NEDD9: variants seen among roughly 807,000 people sequenced by gnomAD.
The protein encoded by NEDD9 is neural precursor cell expressed, developmentally down-regulated 9.
In NEDD9, 26 loss-of-function variants were observed where a neutral mutation model predicts 76.6. The ratio of observed to expected loss-of-function variants is 0.34; its 90% CI spans 0.25 to 0.47. NEDD9 has a LOEUF of 0.47. Ranked by LOEUF, NEDD9 falls within the 20% of genes least tolerant of loss-of-function variation. NEDD9 has a pLI of 1.00. For missense variants in NEDD9, 937 were observed against 1,058.5 expected (o/e 0.89, Z 1.59); for synonymous variants, 392 against 414.2 (o/e 0.95, Z 0.65).
intron 1 of NEDD9, among the ~76,000 whole-genome samples, chr6:11,356,049 C>T (rs1762570187): frequency 1.3e-5 from 2 of 152,164 alleles, no homozygotes; most frequent in Admixed American, 1.3e-4. Flanking sequence ...CTAAGAGCTG[C>T]AACAGCCACT....
chr6:11,336,701 C>A (rs1483748688), intron 1 of NEDD9, among the ~76,000 whole-genome samples: 1 of 152,140 alleles, frequency 6.6e-6, no homozygotes, highest in Non-Finnish European at 1.5e-5. Flanking sequence ...TTTCTTACTC[C>A]AATAATAAAT....
chr6:11,334,912 A>T (rs1259477066), intron 1 of NEDD9, among the ~76,000 whole-genome samples: 2 of 152,230 alleles, frequency 1.3e-5, no homozygotes, highest in African/African-American at 4.8e-5. Flanking sequence ...TTTTGCAAAG[A>T]GGACGAGAGC....
upstream of NEDD9, chr6:11,232,810 G>T: frequency 1.1e-6 from 1 of 912,744 alleles, no homozygotes; most frequent in Non-Finnish European, 1.5e-6. Context: ...TAATGTGATC[G>T]CTTCTTTTTG....
chr6:11,360,060 C>T (rs1283118755), intron 1 of NEDD9, among the ~76,000 whole-genome samples: 4 of 152,218 alleles, frequency 2.6e-5, no homozygotes, highest in South Asian at 4.1e-4. Context: ...ATTCTGCAGG[C>T]TTCCATCACT....
chr6:11,214,358 T>G (rs1758882803), intron 1 of NEDD9, among the ~76,000 whole-genome samples: 1 of 152,246 alleles, frequency 6.6e-6, no homozygotes, highest in Admixed American at 6.5e-5. Flanking sequence ...CCAGCAGCCA[T>G]ATACATCTCC....
chr6:11,323,077 G>C (rs1761846319), intron 2 of NEDD9, among the ~76,000 whole-genome samples: 4 of 152,326 alleles, frequency 2.6e-5, no homozygotes, highest in Middle Eastern at 3.4e-3. Context: ...CAAAACATAT[G>C]ACAAGGCTGG....
At chr6:11,275,024 A>T (rs1241323650) in intron 3 of NEDD9, among the ~76,000 whole-genome samples, 2 of 152,256 alleles carry the variant, frequency 1.3e-5, no homozygotes, top group Admixed American at 6.5e-5. Context: ...GTAGATGAAT[A>T]AAGAAAACGC....
intron 2 of NEDD9, among the ~76,000 whole-genome samples, chr6:11,324,369 G>C (rs903283639): frequency 6.6e-6 from 1 of 152,136 alleles, no homozygotes; most frequent in African/African-American, 2.4e-5. Context: ...CCTGTGTGCA[G>C]GTCTGGATGC....
chr6:11,247,235 C>A (rs1759828908), intron 3 of NEDD9, among the ~76,000 whole-genome samples: 1 of 152,172 alleles, frequency 6.6e-6, no homozygotes, highest in Admixed American at 6.5e-5. Context: ...GTCTGTCCTC[C>A]TAAAATTGAC....
intron 2 of NEDD9, among the ~76,000 whole-genome samples, chr6:11,195,975 A>G (rs1015794169): frequency 6.7e-6 from 1 of 149,864 alleles, no homozygotes; most frequent in African/African-American, 2.5e-5. Context: ...GCCTAGGCAA[A>G]AAGAGTGAAA....
intron 2 of NEDD9, among the ~76,000 whole-genome samples, chr6:11,310,845 T>C (rs1365407466): frequency 1.3e-5 from 2 of 152,176 alleles, no homozygotes; most frequent in Non-Finnish European, 2.9e-5. Context: ...GCAGGCGCCC[T>C]CTGAAATGAA....
intron 1 of NEDD9, among the ~76,000 whole-genome samples, chr6:11,335,521 C>T (rs2113512285): frequency 6.6e-6 from 1 of 152,338 alleles, no homozygotes; most frequent in Admixed American, 6.5e-5. Context: ...ACAACCAATG[C>T]TTCAAAAGTT....
At chr6:11,269,151 C>A (rs1423472102) in intron 3 of NEDD9, among the ~76,000 whole-genome samples, 1 of 152,120 alleles carries the variant, frequency 6.6e-6, no homozygotes, top group Non-Finnish European at 1.5e-5. Context: ...CAAGGTAAAC[C>A]TTCTAAGAAC....
intron 1 of NEDD9, among the ~76,000 whole-genome samples, chr6:11,356,727 AC>A (rs61435147): frequency 0.24 from 27,481 of 112,478 alleles, 1,975 homozygotes; most frequent in African/African-American, 0.37. Context: ...ATCATAACCC[AC>A]CCCCCCCACC....
chr6:11,322,334 A>T (rs1761826573), intron 2 of NEDD9, among the ~76,000 whole-genome samples: 1 of 147,350 alleles, frequency 6.8e-6, no homozygotes, highest in South Asian at 2.1e-4. Flanking sequence ...CCCAGAACTT[A>T]AAAAAAAAAA....
chr6:11,364,641 G>C (rs145114377), intron 1 of NEDD9, among the ~76,000 whole-genome samples: 1 of 152,176 alleles, frequency 6.6e-6, no homozygotes, highest in Non-Finnish European at 1.5e-5. Flanking sequence ...TCATTAAGTG[G>C]TTGTGAATCA....
At chr6:11,309,425 C>T (rs140554261) in intron 2 of NEDD9, among the ~76,000 whole-genome samples, 135 of 152,306 alleles carry the variant, frequency 8.9e-4, no homozygotes, top group South Asian at 4.8e-3. Flanking sequence ...AGGTTTCCCT[C>T]CATCCCTCCC....
intron 2 of NEDD9, among the ~76,000 whole-genome samples, chr6:11,331,496 A>C (rs1762037618): frequency 1.3e-5 from 2 of 152,142 alleles, no homozygotes; most frequent in Non-Finnish European, 2.9e-5. Flanking sequence ...TGACTTAAGA[A>C]TTTTTTATCC....
At chr6:11,325,050 C>A (rs2113482169) in intron 2 of NEDD9, among the ~76,000 whole-genome samples, 1 of 152,220 alleles carries the variant, frequency 6.6e-6, no homozygotes, top group Admixed American at 6.5e-5. Context: ...AGGTAGAGAG[C>A]ATTGATAGAA....
Sources: allele counts gnomAD v4.1 joint callset (sites outside exome capture counted in the v4.1 genomes callset), GRCh38; gene constraint gnomAD v4.1.1; transcripts MANE v1.5; gene names NCBI Gene and HGNC (gene_info 2026-07-23, HGNC 2026-07-21).